PTPRD: variants seen among roughly 807,000 people sequenced by gnomAD.
The protein encoded by PTPRD is receptor-type tyrosine-protein phosphatase delta.
In PTPRD, 34 loss-of-function variants were observed where a neutral mutation model predicts 214.5. That is an observed-to-expected ratio of 0.16 (90% confidence interval 0.12 to 0.21). PTPRD has a LOEUF of 0.21. PTPRD is among the 10% of genes least tolerant of loss of function. The pLI, the probability that PTPRD is intolerant of heterozygous loss-of-function variation, is 1.00. For synonymous variants in PTPRD, 1,128 were observed against 845.7 expected, an observed-to-expected ratio of 1.33 and a Z score of -5.79; for missense variants, 2,545 against 2,398.7, an observed-to-expected ratio of 1.06 and a Z score of -1.27.
At chr9:9,769,577 T>C (rs2098735397) in intron 5 of PTPRD, among the ~76,000 whole-genome samples, 1 of 151,852 alleles carries the variant, frequency 6.6e-6, no homozygotes, top group Non-Finnish European at 1.5e-5. Flanking sequence ...CCGCTTGCCT[T>C]GGCCTCCCAA....
intron 7 of PTPRD, among the ~76,000 whole-genome samples, chr9:9,633,239 A>G (rs10977900): frequency 0.2 from 29,683 of 151,782 alleles, 3,501 homozygotes; most frequent in African/African-American, 0.34. Flanking sequence ...AGGTTGAAGT[A>G]AGCCTAGATC....
chr9:10,100,841 A>G (rs892092699), intron 3 of PTPRD, among the ~76,000 whole-genome samples: 7 of 151,600 alleles, frequency 4.6e-5, no homozygotes, highest in Admixed American at 2.6e-4. Flanking sequence ...TGAAGCTTAA[A>G]TCTATTAGGA....
intron 11 of PTPRD, among the ~76,000 whole-genome samples, chr9:8,856,076 C>T (rs1035746286): frequency 4.6e-5 from 7 of 152,152 alleles, no homozygotes; most frequent in South Asian, 4.1e-4. Flanking sequence ...AAGTCAGACA[C>T]GGAACATTGA....
chr9:9,956,637 A>C, intron 4 of PTPRD, among the ~76,000 whole-genome samples: 1 of 152,110 alleles, frequency 6.6e-6, no homozygotes, highest in East Asian at 1.9e-4. Context: ...TAGCTATTTC[A>C]GATAATTAAG....
rs12338582 is a variant in PTPRD at position 8,445,838 on chromosome 9, A to G, written c.3988+3887T>C. Among the ~76,000 whole-genome samples, 985 of 152,240 alleles carry G rather than the reference A, an allele frequency of 6.5e-3. 14 individuals carry two copies. Among genetic ancestry groups the G allele is most frequent in the African/African-American group, 0.023 (943 of 41,508 alleles). On this transcript the variant is annotated intron_variant, in intron 34 of 45. Coordinates refer to ENST00000381196, the MANE Select transcript of PTPRD (RefSeq NM_002839.4). Reference sequence around the variant, plus strand: ...TTCTTTTTTCACTCATCTTAATGCTAAAAAAGACCAAGAACTTTGTTGCCA... The same window carrying G: ...TTCTTTTTTCACTCATCTTAATGCTGAAAAAGACCAAGAACTTTGTTGCCA...
At chr9:9,171,337 T>G (rs2099915913) in intron 10 of PTPRD, among the ~76,000 whole-genome samples, 3 of 149,526 alleles carry the variant, frequency 2.0e-5, no homozygotes, top group African/African-American at 7.3e-5. Flanking sequence ...ATTATAAGAT[T>G]ATATTATATA....
rs144722517 is a variant in PTPRD at position 8,323,064 on chromosome 9, G to A, written c.5535-3098C>T. Among the ~76,000 whole-genome samples, 8 of 152,236 alleles carry A rather than the reference G, an allele frequency of 5.3e-5. No homozygotes were observed. The South Asian group carries it at 1.0e-3, about 20-fold the overall frequency. On this transcript the variant is annotated intron_variant, in intron 44 of 45. Transcript: ENST00000381196. The stretch of plus-strand genomic sequence containing the variant: ...GAACATCAAGACAGGCTGAAAGCTC[G>A]ACCTCTTGTACCAAATAGCCCAGTT...
At chr9:8,978,962 C>A (rs1394393468) in intron 11 of PTPRD, among the ~76,000 whole-genome samples, 1 of 152,090 alleles carries the variant, frequency 6.6e-6, no homozygotes, top group Admixed American at 6.6e-5. Flanking sequence ...TCCAATGAGG[C>A]TGCCATCTTT....
At chr9:9,975,742 A>G (rs1165401950) in intron 4 of PTPRD, among the ~76,000 whole-genome samples, 1 of 152,178 alleles carries the variant, frequency 6.6e-6, no homozygotes, top group African/African-American at 2.4e-5. Flanking sequence ...CCGTAGATAC[A>G]CAGGTTCTGG....
chr9:10,421,934 A>G (rs1487554914), intron 2 of PTPRD, among the ~76,000 whole-genome samples: 1 of 151,974 alleles, frequency 6.6e-6, no homozygotes, highest in East Asian at 1.9e-4. Flanking sequence ...CCAGATATGA[A>G]ATTATAGATT....
At chr9:9,495,753 G>C (rs931570334) in intron 8 of PTPRD, among the ~76,000 whole-genome samples, 3 of 152,132 alleles carry the variant, frequency 2.0e-5, no homozygotes, top group African/African-American at 7.2e-5. Context: ...CTGGACAAGA[G>C]CTCAGGACCC....
At chr9:9,088,790 C>T (rs2099771372) in intron 10 of PTPRD, among the ~76,000 whole-genome samples, 2 of 151,976 alleles carry the variant, frequency 1.3e-5, no homozygotes, top group Non-Finnish European at 2.9e-5. Context: ...CCTGTGAGCT[C>T]TGGAGTCAGT....
intron 8 of PTPRD, among the ~76,000 whole-genome samples, chr9:9,558,332 C>A (rs768537205): frequency 4.1e-4 from 62 of 152,204 alleles, no homozygotes; most frequent in Non-Finnish European, 6.2e-4. Flanking sequence ...GTGCTCTAAA[C>A]TCACTGAGTC....
intron 11 of PTPRD, among the ~76,000 whole-genome samples, chr9:8,830,385 A>G (rs1440378288): frequency 6.6e-6 from 1 of 152,230 alleles, no homozygotes; most frequent in African/African-American, 2.4e-5. Flanking sequence ...GATAAATTTT[A>G]TAGAAATTGT....
intron 30 of PTPRD, among the ~76,000 whole-genome samples, chr9:8,476,983 C>G (rs1293407816): frequency 6.6e-6 from 1 of 152,080 alleles, no homozygotes. Flanking sequence ...CTGGCCTACT[C>G]GTGACCCTTG....
chr9:10,421,408 C>T (rs564616795), intron 2 of PTPRD, among the ~76,000 whole-genome samples: 2 of 152,014 alleles, frequency 1.3e-5, no homozygotes, highest in East Asian at 3.9e-4. Flanking sequence ...TTGATGAAAA[C>T]CATATCCAGA....
rs2097562822 is a variant in PTPRD, at chr9:8,507,296, C to G, written c.1677+5G>C. 6.2e-7 allele frequency: 1 copy of G among 1,613,528 alleles called. No individual in the cohort carries two copies. The highest frequency in any genetic ancestry group is 1.3e-5 in the African/African-American group (1 of 75,000). ...TTCCCAAGGTGAGAAGCACTATAGT[C>G]TTACCTCCTCTCCATGCTCCCCATC... On this transcript the variant is annotated splice_donor_5th_base_variant and intron_variant, in intron 22 of 45. Transcript: ENST00000381196.
intron 14 of PTPRD, among the ~76,000 whole-genome samples, chr9:8,580,475 G>A (rs887163222): frequency 1.7e-4 from 26 of 152,236 alleles, no homozygotes; most frequent in Admixed American, 2.6e-4. Context: ...ATATGCTGCC[G>A]TCTGCAGACC....
intron 34 of PTPRD, among the ~76,000 whole-genome samples, chr9:8,446,204 T>C (rs2095717597): frequency 1.3e-5 from 2 of 152,214 alleles, no homozygotes; most frequent in African/African-American, 4.8e-5. Flanking sequence ...TGGTACTGCA[T>C]TTAAGGGTAC....
Sources: allele counts gnomAD v4.1 joint callset (sites outside exome capture counted in the v4.1 genomes callset), GRCh38; gene constraint gnomAD v4.1.1; transcripts MANE v1.5; gene names NCBI Gene and HGNC (gene_info 2026-07-23, HGNC 2026-07-21).